USP50: variants seen among roughly 807,000 people sequenced by gnomAD.
USP50 encodes ubiquitin carboxyl-terminal hydrolase 50.
In USP50, 37 loss-of-function variants were observed where a neutral mutation model predicts 39.2. The observed-to-expected ratio is 0.94, with a 90% CI of 0.73 to 1.24. The LOEUF (loss-of-function observed/expected upper bound fraction) is 1.24. USP50 is among the 50% of genes most tolerant of loss of function. The pLI is 0.00. For missense variants in USP50, 374 were observed against 398.2 expected, an observed-to-expected ratio of 0.94 and a Z score of 0.52; for synonymous variants, 139 against 144.5, an observed-to-expected ratio of 0.96 and a Z score of 0.27.
intron 6 of USP50, chr15:50,508,550 C>T (rs2052694294): frequency 6.6e-6 from 1 of 152,002 alleles, no homozygotes; most frequent in Non-Finnish European, 1.5e-5. Flanking sequence ...ATACACTGGA[C>T]ACTCAGTTTA....
intron 4 of USP50, among the ~76,000 whole-genome samples, chr15:50,540,502 A>G (rs1286499707): frequency 1.3e-5 from 2 of 152,100 alleles, no homozygotes; most frequent in East Asian, 3.9e-4. Flanking sequence ...TATATTTCCA[A>G]TTTTACAGTC....
At chr15:50,541,599 G>A (rs909475218) in intron 3 of USP50, among the ~76,000 whole-genome samples, 5 of 151,836 alleles carry the variant, frequency 3.3e-5, no homozygotes, top group African/African-American at 1.2e-4. Context: ...ACTTAGTTTT[G>A]GATTCAGACA....
chr15:50,499,116 T>C (rs760128801), downstream of USP50: 8 of 1,549,218 alleles, frequency 5.2e-6, no homozygotes, highest in Non-Finnish European at 7.0e-6. Context: ...ACTAGTTATC[T>C]TTTAAAAGGC....
chr15:50,510,402 A>T (rs969640247), intron 6 of USP50: 2 of 152,200 alleles, frequency 1.3e-5, no homozygotes, highest in African/African-American at 4.8e-5. Flanking sequence ...CAGCAATTAC[A>T]ATAAGATACA....
intron 6 of USP50, chr15:50,502,525 C>A (rs1488522726): frequency 6.6e-6 from 1 of 152,162 alleles, no homozygotes; most frequent in African/African-American, 2.4e-5. Context: ...CGCACCACCA[C>A]ACCCAGCTAA....
chr15:50,496,102 A>T, downstream of USP50: 1 of 1,556,978 alleles, frequency 6.4e-7, no homozygotes, highest in Non-Finnish European at 8.8e-7. Flanking sequence ...TAAGAAGTAG[A>T]GAGAAAATGA....
rs1006592548 is a variant in USP50, at chr15:50,543,677, G to T, written c.365C>A (p.Ala122Glu). 7.4e-6 allele frequency: 12 copies of T among 1,613,282 alleles called. No individual in the cohort carries two copies. The highest frequency in any genetic ancestry group is 1.0e-5 in the Non-Finnish European group (12 of 1,179,646). The change falls in exon 3 of 7, where the codon GCA becomes GAA. Residue 122 changes from alanine (A) to glutamate (E), a missense_variant. Physicochemically the swap from Ala to Glu is moderately radical, Grantham distance 107. Coordinates refer to ENST00000532404, the MANE Select transcript of USP50 (RefSeq NM_203494.5). ...FWSALGNLYP[A>E]FTKKMQQDAQ... The stretch of plus-strand genomic sequence containing the variant: ...ATCTTGTTGCATCTTTTTCGTAAAT[G>T]CTGGGTAGAGGTTGCCAAGAGCTGA...
At chr15:50,526,604 G>A (rs2052900474) in intron 6 of USP50, among the ~76,000 whole-genome samples, 1 of 152,218 alleles carries the variant, frequency 6.6e-6, no homozygotes, top group African/African-American at 2.4e-5. Flanking sequence ...TTAACTGTAA[G>A]CCACATACAT....
intron 6 of USP50, chr15:50,512,238 G>C (rs2052747663): frequency 6.6e-6 from 1 of 151,000 alleles, no homozygotes; most frequent in African/African-American, 2.4e-5. Flanking sequence ...TGAGTTACGA[G>C]AATCCCTTGA....
At position 50,529,849 on chromosome 15, in the gene USP50, T is replaced by A. The variant is rs757213700; in HGVS notation, c.884A>T (p.Tyr295Phe). 1 of 1,613,934 alleles carries A rather than the reference T, an allele frequency of 6.2e-7. No homozygotes were observed. Among genetic ancestry groups the A allele is most frequent in the Non-Finnish European group, 8.5e-7 (1 of 1,179,878 alleles). ...YPLTNLDLTPYICSIFRKYPK... is the reference protein window; with the variant it reads ...YPLTNLDLTPFICSIFRKYPK... Reference sequence around the variant, plus strand: ...ATATTTCCGGAAAATTGAGCAAATATAAGGAGTGAGGTCCAAGTTAGTGAG... The same window carrying A: ...ATATTTCCGGAAAATTGAGCAAATAAAAGGAGTGAGGTCCAAGTTAGTGAG... The change falls in exon 6 of 7, where the codon TAT becomes TTT. Residue 295 changes from tyrosine (Y) to phenylalanine (F), a missense_variant. Coordinates refer to ENST00000532404, the MANE Select transcript of USP50 (RefSeq NM_203494.5).
chr15:50,536,400 G>A (rs989418900), intron 5 of USP50, among the ~76,000 whole-genome samples: 2 of 152,182 alleles, frequency 1.3e-5, no homozygotes, highest in Admixed American at 6.5e-5. Flanking sequence ...CAGCACTTTG[G>A]GAGGCCAAGG....
chr15:50,541,144 T>A lies in USP50; in HGVS notation c.565A>T (p.Ile189Phe). Reference protein sequence around the residue: ...QLFEEQLNYSIVCLKCEKCTY... With the variant: ...QLFEEQLNYSFVCLKCEKCTY... The stretch of plus-strand genomic sequence containing the variant: ...CATTTCTCACACTTTAAACATACGA[T>A]GCTATAATTGAGCTGCTCTTCAAAC... Residue 189 changes from isoleucine to phenylalanine, a missense_variant, in exon 4 of 7, where the codon ATC becomes TTC. By Grantham distance (21) the Ile-to-Phe change is conservative. Transcript: ENST00000532404. 6.2e-7 allele frequency: 1 copy of A among 1,613,914 alleles called. No homozygotes were observed. Among genetic ancestry groups the A allele is most frequent in the South Asian group, 1.1e-5 (1 of 91,078 alleles).
At chr15:50,525,268 G>C (rs2052879296) in intron 6 of USP50, among the ~76,000 whole-genome samples, 1 of 152,100 alleles carries the variant, frequency 6.6e-6, no homozygotes, top group African/African-American at 2.4e-5. Flanking sequence ...CTGGGGAGGG[G>C]AGTGAGGAAT....
At chr15:50,544,829 T>G (rs369652587) in intron 1 of USP50, 48 bp from the exon 2 acceptor site, 2 of 1,542,046 alleles carry the variant, frequency 1.3e-6, no homozygotes, top group Admixed American at 1.8e-5. Flanking sequence ...GAACAAAATA[T>G]GTACAAATGA....
chr15:50,541,025 T>C, intron 4 of USP50, 24 bp downstream of exon 4: 1 of 1,576,710 alleles, frequency 6.3e-7, no homozygotes, highest in Non-Finnish European at 8.7e-7. Context: ...CGAGACAAAG[T>C]GTCCAGGAAT....
At chr15:50,519,805 A>G (rs114206842) in intron 6 of USP50, among the ~76,000 whole-genome samples, 3,304 of 152,280 alleles carry the variant, frequency 0.022, 112 homozygotes, top group African/African-American at 0.075. Flanking sequence ...GGATACAGAG[A>G]AAAGGGAACT....
intron 6 of USP50, chr15:50,511,890 C>G (rs992108163): frequency 6.6e-6 from 1 of 152,046 alleles, no homozygotes; most frequent in Admixed American, 6.6e-5. Context: ...CCCAGCTACT[C>G]GAGGGAGGGA....
At chr15:50,493,438 G>C (rs368471373), downstream of USP50, 1 of 519,078 alleles carries the variant, frequency 1.9e-6, no homozygotes, top group African/African-American at 1.9e-5. Context: ...AATTAGGAAA[G>C]GGGAAAATAT....
intron 5 of USP50, among the ~76,000 whole-genome samples, chr15:50,533,376 G>A (rs2052956907): frequency 6.6e-6 from 1 of 151,554 alleles, no homozygotes; most frequent in Non-Finnish European, 1.5e-5. Flanking sequence ...AGAACACCAA[G>A]AAAGATAAAT....
Sources: gnomAD v4.1 joint callset for allele counts (sites outside exome capture counted in the v4.1 genomes callset) on GRCh38, gnomAD v4.1.1 for gene constraint, MANE v1.5 for transcripts, NCBI Gene and HGNC (gene_info 2026-07-23, HGNC 2026-07-21) for gene names.